Variants in SGCZ observed in about 807,000 individuals in gnomAD.
SGCZ encodes the protein sarcoglycan zeta.
Under a neutral mutation model 41.3 loss-of-function variants are expected in SGCZ, and 40 were observed. That is an observed-to-expected ratio of 0.97 (90% CI 0.75 to 1.26). The LOEUF (loss-of-function observed/expected upper bound fraction) is 1.26. Ranked by LOEUF, SGCZ falls within the 50% of genes most tolerant of loss-of-function variation. The pLI is 0.00. For missense variants in SGCZ, 552 were observed against 369.8 expected (o/e 1.49, Z -4.04); for synonymous variants, 206 against 137.5 (o/e 1.50, Z -3.49).
intron 4 of SGCZ, among the ~76,000 whole-genome samples, chr8:14,192,947 T>A (rs567231505): frequency 2.0e-5 from 3 of 152,194 alleles, no homozygotes; most frequent in Non-Finnish European, 2.9e-5. Context: ...TTCAAAGGTA[T>A]GATTAAATCT....
At chr8:14,872,339 A>G (rs904920105) in intron 1 of SGCZ, among the ~76,000 whole-genome samples, 1 of 152,136 alleles carries the variant, frequency 6.6e-6, no homozygotes, top group Admixed American at 6.6e-5. Flanking sequence ...ACATAGAAAT[A>G]TAAGCTATCT....
intron 1 of SGCZ, among the ~76,000 whole-genome samples, chr8:14,905,394 C>T (rs1799092045): frequency 6.6e-6 from 1 of 152,042 alleles, no homozygotes; most frequent in South Asian, 2.1e-4. Context: ...CATCACACCG[C>T]TTTCCAGGAA....
chr8:14,416,708 G>C (rs948786228), intron 2 of SGCZ, among the ~76,000 whole-genome samples: 1 of 151,858 alleles, frequency 6.6e-6, no homozygotes, highest in Non-Finnish European at 1.5e-5. Context: ...GTTTACTGTA[G>C]GAAACGTGTG....
At chr8:14,438,574 G>T (rs925994483) in intron 2 of SGCZ, among the ~76,000 whole-genome samples, 4 of 151,906 alleles carry the variant, frequency 2.6e-5, no homozygotes, top group Non-Finnish European at 5.9e-5. Flanking sequence ...CATAAAAAGT[G>T]TTCCTAGAGG....
intron 1 of SGCZ, among the ~76,000 whole-genome samples, chr8:15,115,862 A>G (rs2116939215): frequency 6.6e-6 from 1 of 152,346 alleles, no homozygotes; most frequent in Middle Eastern, 3.4e-3. Flanking sequence ...AAAAATATTG[A>G]AAATAATAAA....
intron 2 of SGCZ, among the ~76,000 whole-genome samples, chr8:14,399,847 C>A (rs186336947): frequency 6.6e-6 from 1 of 152,216 alleles, no homozygotes. Context: ...TTGAGCTACA[C>A]TTTATATGCT....
intron 2 of SGCZ, among the ~76,000 whole-genome samples, chr8:14,534,219 G>A (rs145476103): frequency 6.6e-6 from 1 of 151,930 alleles, no homozygotes; most frequent in African/African-American, 2.4e-5. Context: ...GAAATATGAA[G>A]GAGAAGAGAA....
chr8:14,241,013 A>C (rs11781614), intron 3 of SGCZ, among the ~76,000 whole-genome samples: 151,529 of 152,238 alleles, frequency 1, 75,417 homozygotes, highest in East Asian at 1. Flanking sequence ...CACCTCTTAA[A>C]AACAAAAAAA....
At chr8:14,615,290 C>T (rs1806063606) in intron 1 of SGCZ, among the ~76,000 whole-genome samples, 1 of 152,158 alleles carries the variant, frequency 6.6e-6, no homozygotes, top group Non-Finnish European at 1.5e-5. Context: ...CAGATTTCAG[C>T]CAGTTGCAAG....
At chr8:14,640,307 G>A (rs1003279164) in intron 1 of SGCZ, among the ~76,000 whole-genome samples, 8 of 151,502 alleles carry the variant, frequency 5.3e-5, no homozygotes, top group Non-Finnish European at 8.9e-5. Flanking sequence ...CAAAGTTTGG[G>A]TACATAATTC....
chr8:15,045,225 G>A (rs1804258068), intron 1 of SGCZ, among the ~76,000 whole-genome samples: 2 of 152,074 alleles, frequency 1.3e-5, no homozygotes, highest in African/African-American at 4.8e-5. Context: ...ATTTCAGATG[G>A]ACAAACAAGA....
At chr8:14,693,942 T>C (rs1290260299) in intron 1 of SGCZ, among the ~76,000 whole-genome samples, 1 of 152,162 alleles carries the variant, frequency 6.6e-6, no homozygotes, top group African/African-American at 2.4e-5. Flanking sequence ...GTACCATTAA[T>C]ATACCTTATG....
At chr8:14,297,687 A>T (rs967199795) in intron 3 of SGCZ, among the ~76,000 whole-genome samples, 1 of 152,046 alleles carries the variant, frequency 6.6e-6, no homozygotes, top group Admixed American at 6.6e-5. Context: ...AACTACCAAA[A>T]CCTACATAAA....
chr8:15,022,703 AGCAATGCAATTC>A (rs1803301520), intron 1 of SGCZ, among the ~76,000 whole-genome samples: 1 of 152,226 alleles, frequency 6.6e-6, no homozygotes, highest in African/African-American at 2.4e-5. Flanking sequence ...TCAGTATGCT[AGCAATGCAATTC>A]TATAGAGACA....
chr8:14,581,033 A>G (rs1266996409), intron 1 of SGCZ, among the ~76,000 whole-genome samples: 1 of 152,216 alleles, frequency 6.6e-6, no homozygotes, highest in African/African-American at 2.4e-5. Context: ...ATCCTGTGAG[A>G]TACTTTCCTC....
In SGCZ at chr8:14,149,615, C is replaced by T. The variant is rs538760800; in HGVS notation, c.547+14965G>A. Among the ~76,000 whole-genome samples the T allele has an allele frequency of 2.0e-5, 3 of 147,560 alleles. No homozygotes were observed. In the East Asian group the frequency reaches 6.0e-4, roughly 30 times the overall value. On this transcript the variant is annotated intron_variant, in intron 5 of 7. Coordinates refer to ENST00000382080, the MANE Select transcript of SGCZ (RefSeq NM_139167.4). Reference sequence around the variant, plus strand: ...TACCACCCAAAGCTATCTACAGACTCAGTGCAATCCCTATCAAAATACCAG... The same window carrying T: ...TACCACCCAAAGCTATCTACAGACTTAGTGCAATCCCTATCAAAATACCAG...
At chr8:14,165,727 T>G (rs892106535) in intron 4 of SGCZ, among the ~76,000 whole-genome samples, 1 of 152,194 alleles carries the variant, frequency 6.6e-6, no homozygotes, top group African/African-American at 2.4e-5. Flanking sequence ...TCTTTTCATT[T>G]GTCTTTATGT....
At chr8:15,069,314 A>T (rs1249659190) in intron 1 of SGCZ, among the ~76,000 whole-genome samples, 3 of 152,146 alleles carry the variant, frequency 2.0e-5, no homozygotes. Flanking sequence ...GATTACAGGC[A>T]TGAGCCACCA....
intron 1 of SGCZ, among the ~76,000 whole-genome samples, chr8:15,149,245 G>C (rs1463496168): frequency 6.6e-6 from 1 of 152,072 alleles, no homozygotes; most frequent in African/African-American, 2.4e-5. Flanking sequence ...ATGGGATGAG[G>C]TCTGGAAGGG....
Sources: allele counts gnomAD v4.1 joint callset (sites outside exome capture counted in the v4.1 genomes callset), GRCh38; gene constraint gnomAD v4.1.1; transcripts MANE v1.5; gene names NCBI Gene and HGNC (gene_info 2026-07-23, HGNC 2026-07-21).